Variants in ASH1L observed in about 807,000 individuals in gnomAD.
ASH1L encodes ASH1 like histone lysine methyltransferase.
ASH1L carries 23 observed loss-of-function variants against 269.0 expected under a neutral mutation model. That is an observed-to-expected ratio of 0.09 (90% CI 0.06 to 0.12). The LOEUF is 0.12. ASH1L is among the 10% of genes least tolerant of loss of function. The probability of loss-of-function intolerance (pLI) is 1.00; values close to 1 mark genes in which losing one functional copy is unlikely to be tolerated. For missense variants in ASH1L, 2,912 were observed against 3,567.8 expected (o/e 0.82, Z 4.68); for synonymous variants, 1,187 against 1,253.5 (o/e 0.95, Z 1.12).
At chr1:155,403,005 C>T (rs557441234) in intron 6 of ASH1L, among the ~76,000 whole-genome samples, 31 of 150,920 alleles carry the variant, frequency 2.1e-4, no homozygotes, top group Non-Finnish European at 3.5e-4. Context: ...TGGTGAAACC[C>T]GTCTCTACTA....
intron 4 of ASH1L, among the ~76,000 whole-genome samples, chr1:155,445,711 A>G (rs1662954863): frequency 6.6e-6 from 1 of 152,200 alleles, no homozygotes; most frequent in South Asian, 2.1e-4. Flanking sequence ...CTACAGAGTG[A>G]TCTGGAGAAA....
intron 1 of ASH1L, among the ~76,000 whole-genome samples, chr1:155,531,112 C>T (rs965459291): frequency 8.0e-5 from 12 of 149,712 alleles, no homozygotes; most frequent in Non-Finnish European, 1.0e-4. Context: ...GAGCTAGAAT[C>T]GTGCCACTGC....
chr1:155,428,932 C>T (rs1253617251), intron 5 of ASH1L, among the ~76,000 whole-genome samples: 1 of 152,172 alleles, frequency 6.6e-6, no homozygotes, highest in African/African-American at 2.4e-5. Flanking sequence ...CTTCACACCT[C>T]TATATTTCTG....
Position 155,438,560 on chromosome 1 carries a change from T to A in ASH1L, c.5595A>T (p.Gln1865His), listed in dbSNP as rs1437087118. The part of the protein sequence containing the change: ...KCPLQAVVSM[Q>H]AFQAAQFVNP... Reference sequence around the variant, plus strand: ...TGACAAACTGAGCAGCCTGGAATGCTTGCATTGATACGACAGCCTGAAGGG... The same window carrying A: ...TGACAAACTGAGCAGCCTGGAATGCATGCATTGATACGACAGCCTGAAGGG... Residue 1865 changes from glutamine (Q) to histidine (H), a missense_variant, in exon 5 of 28, where the codon CAA becomes CAT. This residue lies in a region of ASH1L where 789 missense variants were observed against 897.6 expected (regional missense o/e 0.88). Coordinates refer to ENST00000392403, the MANE Select transcript of ASH1L (RefSeq NM_018489.3). 6.2e-7 allele frequency: 1 copy of A among 1,613,978 alleles called. No individual in the cohort carries two copies. Among genetic ancestry groups the A allele is most frequent in the Admixed American group, 1.7e-5 (1 of 59,966 alleles).
In ASH1L at chr1:155,338,280, T is replaced by C. The variant is rs768724603; in HGVS notation, c.8612A>G (p.Asn2871Ser). 14 of 1,614,054 alleles carry C rather than the reference T, an allele frequency of 8.7e-6. No homozygotes were observed. The highest frequency in any genetic ancestry group is 1.3e-5 in the African/African-American group (1 of 75,000). The change falls in exon 27 of 28, where the codon AAT (asparagine) becomes AGT (serine). Residue 2871 changes from asparagine to serine, a missense_variant. Asn to Ser is a conservative substitution (Grantham distance 46, BLOSUM62 1). This residue lies in a region of ASH1L where 154 missense variants were observed against 165.0 expected (regional missense o/e 0.93). Coordinates refer to ENST00000392403, the MANE Select transcript of ASH1L (RefSeq NM_018489.3). ...EVLASQEQAANEIPSLEEPER... is the reference protein window; with the variant it reads ...EVLASQEQAASEIPSLEEPER... The stretch of plus-strand genomic sequence containing the variant: ...TGGCTCCTCCAGGCTGGGTATCTCA[T>C]TGGCTGCTTGCTCTTGACTGGCTAG...
chr1:155,562,900 C>T (rs556590435), upstream of ASH1L: 10 of 453,878 alleles, frequency 2.2e-5, no homozygotes, highest in African/African-American at 1.2e-4. Flanking sequence ...CGCCGCCAGC[C>T]CCCCCTACCA....
intron 1 of ASH1L, among the ~76,000 whole-genome samples, chr1:155,542,106 T>C (rs1174074465): frequency 6.6e-6 from 1 of 152,124 alleles, no homozygotes; most frequent in African/African-American, 2.4e-5. Context: ...GCAATTCTGT[T>C]TTGTTAAAAA....
rs377643459 is a variant in ASH1L at position 155,438,962 on chromosome 1, C to G, written c.5193G>C (p.Glu1731Asp). ...TTGCAATCACAGCATCAATACTTTT[C>G]TCCATGGGCTCTTGGTCCTCATTTT... ...MVQNEDQEPM[E>D]KSIDAVIATA... is the part of the protein sequence containing the mutation. The change falls in exon 5 of 28, where the codon GAG becomes GAC. Residue 1731 changes from glutamate to aspartate, a missense_variant. This residue lies in a region of ASH1L where 789 missense variants were observed against 897.6 expected (regional missense o/e 0.88). Coordinates refer to ENST00000392403, the MANE Select transcript of ASH1L (RefSeq NM_018489.3). The G allele has an allele frequency of 7.4e-6, 12 of 1,614,066 alleles. No homozygotes were observed. In the African/African-American group the frequency reaches 1.3e-4, roughly 18 times the overall value.
chr1:155,347,512 CACAGAAACCTA>C, intron 20 of ASH1L, 133 bp downstream of exon 20: 12 of 1,022,668 alleles, frequency 1.2e-5, no homozygotes, highest in African/African-American at 3.2e-5. Context: ...ATATAGTAAA[CACAGAAACCTA>C]ACAGAAACCA....
intron 2 of ASH1L, among the ~76,000 whole-genome samples, chr1:155,515,131 T>C (rs1291815944): frequency 6.6e-6 from 1 of 152,060 alleles, no homozygotes. Context: ...GCTCAGCAAA[T>C]TGATGAGATG....
chr1:155,544,800 G>T (rs1446450557), intron 1 of ASH1L, among the ~76,000 whole-genome samples: 1 of 151,866 alleles, frequency 6.6e-6, no homozygotes. Flanking sequence ...AATATGCATA[G>T]GCAATTACAA....
chr1:155,524,831 C>A (rs960634414), intron 1 of ASH1L, among the ~76,000 whole-genome samples: 5 of 151,528 alleles, frequency 3.3e-5, no homozygotes, highest in African/African-American at 1.2e-4. Flanking sequence ...CAGAACAAGA[C>A]CCTGTCTCAA....
chr1:155,408,507 G>A (rs1659497984), intron 6 of ASH1L, among the ~76,000 whole-genome samples: 1 of 151,982 alleles, frequency 6.6e-6, no homozygotes. Context: ...TCCAGATACA[G>A]GCCAAAGAAA....
intron 4 of ASH1L, among the ~76,000 whole-genome samples, chr1:155,452,450 AAC>A (rs1214364430): frequency 6.6e-6 from 1 of 152,172 alleles, no homozygotes; most frequent in Non-Finnish European, 1.5e-5. Flanking sequence ...TTATTTGTAG[AAC>A]AGTTTGACAG....
chr1:155,537,703 C>G (rs1214840199), intron 1 of ASH1L, among the ~76,000 whole-genome samples: 2 of 151,800 alleles, frequency 1.3e-5, no homozygotes, highest in Admixed American at 6.6e-5. Flanking sequence ...ATCTTTGTGA[C>G]TTTGGGTTAG....
At chr1:155,341,873 G>C (rs1652852359) in intron 25 of ASH1L, 63 bp downstream of exon 25, 2 of 1,547,108 alleles carry the variant, frequency 1.3e-6, no homozygotes, top group Non-Finnish European at 1.8e-6. Context: ...TTTTCGCTCA[G>C]TGAATTTCAT....
intron 10 of ASH1L, among the ~76,000 whole-genome samples, chr1:155,376,745 CT>C (rs1274655361): frequency 6.6e-6 from 1 of 151,108 alleles, no homozygotes; most frequent in African/African-American, 2.4e-5. Flanking sequence ...ATCCCAGCTA[CT>C]TGGGAGGCTG....
Position 155,438,674 on chromosome 1 carries a change from A to G in ASH1L, c.5481T>C (p.Asn1827=), listed in dbSNP as rs1228889953. Residue 1827 remains asparagine, a synonymous_variant, in exon 5 of 28, where the codon AAT becomes AAC. Transcript: ENST00000392403. ...LATKKNLDHV[N]KILKAKKLQR... is the part of the protein sequence containing the mutation. The stretch of plus-strand genomic sequence containing the variant: ...GAAGTTTTTTGGCTTTTAAGATTTT[A>G]TTGACATGGTCTAGGTTTTTCTTTG... 1 of 1,614,018 alleles carries G rather than the reference A, an allele frequency of 6.2e-7. No individual in the cohort carries two copies. The highest frequency in any genetic ancestry group is 8.5e-7 in the Non-Finnish European group (1 of 1,180,034).
In ASH1L at chr1:155,428,391, G is replaced by A. The variant is rs191678982; in HGVS notation, c.5828+9936C>T. Reference sequence around the variant, plus strand: ...CAGGAGATGGAGGTTGCAGTAAGCCGAGATTGTGCCACTGCACTCTAGCTT... The same window carrying A: ...CAGGAGATGGAGGTTGCAGTAAGCCAAGATTGTGCCACTGCACTCTAGCTT... On this transcript the variant is annotated intron_variant, in intron 5 of 27. Coordinates refer to ENST00000392403, the MANE Select transcript of ASH1L (RefSeq NM_018489.3). 7.9e-5 allele frequency among the ~76,000 whole-genome samples: 12 copies of A among 151,812 alleles called. No individual in the cohort carries two copies. In the East Asian group the frequency reaches 1.4e-3, roughly 17 times the overall value.
Sources: gnomAD v4.1 joint callset for allele counts (sites outside exome capture counted in the v4.1 genomes callset) on GRCh38, gnomAD v4.1.1 for gene constraint, gnomAD v4.1.1 regional missense constraint, MANE v1.5 for transcripts, NCBI Gene and HGNC (gene_info 2026-07-23, HGNC 2026-07-21) for gene names.